Variants in PRRC2C observed in about 807,000 individuals in gnomAD.
PRRC2C encodes the protein protein PRRC2C.
Under a neutral mutation model 317.2 loss-of-function variants are expected in PRRC2C, and 72 were observed. The ratio of observed to expected loss-of-function variants is 0.23; its 90% CI spans 0.19 to 0.28. The LOEUF (loss-of-function observed/expected upper bound fraction) is 0.28, where lower values mean the gene tolerates loss of function less well. PRRC2C is among the 10% of genes least tolerant of loss of function. The probability of loss-of-function intolerance (pLI) is 1.00; values close to 1 mark genes in which losing one functional copy is unlikely to be tolerated. For missense variants in PRRC2C, 3,074 were observed against 3,459.7 expected (o/e 0.89, Z 2.80); for synonymous variants, 1,296 against 1,205.9 (o/e 1.07, Z -1.55).
chr1:171,518,502 T>TCAATTTTTTTTCAATTTTTTTTTAA (rs368649847), intron 6 of PRRC2C, among the ~76,000 whole-genome samples: 1 of 109,606 alleles, frequency 9.1e-6, no homozygotes. Context: ...CAATTTTTTT[T>TCAATTTTTTTTCAATTTTTTTTTAA]TTTTTTTTTT....
chr1:171,585,262 A>G (rs1649602167), intron 30 of PRRC2C, among the ~76,000 whole-genome samples: 1 of 152,236 alleles, frequency 6.6e-6, no homozygotes, highest in Non-Finnish European at 1.5e-5. Context: ...AAGCCTCCCA[A>G]AGACCATCTG....
At chr1:171,511,206 C>CAAAAAAA (rs548789018) in intron 1 of PRRC2C, 1 of 151,756 alleles carries the variant, frequency 6.6e-6, no homozygotes, top group African/African-American at 2.4e-5. Flanking sequence ...AAAACAAAAA[C>CAAAAAAA]AAAAACAACC....
At chr1:171,558,551 A>G (rs1231787468) in intron 19 of PRRC2C, among the ~76,000 whole-genome samples, 1 of 152,032 alleles carries the variant, frequency 6.6e-6, no homozygotes, top group African/African-American at 2.4e-5. Flanking sequence ...AATATGTCAA[A>G]TTTTTCATCA....
intron 6 of PRRC2C, among the ~76,000 whole-genome samples, chr1:171,519,727 ATATT>A (rs1175924988): frequency 6.6e-6 from 1 of 152,218 alleles, no homozygotes; most frequent in African/African-American, 2.4e-5. Context: ...AATCTAGGTC[ATATT>A]TATTTAGTTT....
chr1:171,574,865 A>C (rs147587333), intron 24 of PRRC2C, 62 bp from the exon 25 acceptor site: 1 of 1,429,940 alleles, frequency 7.0e-7, no homozygotes, highest in African/African-American at 1.4e-5. Context: ...ATACATGTAT[A>C]TACATACGTA....
intron 5 of PRRC2C, among the ~76,000 whole-genome samples, chr1:171,517,386 G>A (rs1386889024): frequency 6.6e-6 from 1 of 151,970 alleles, no homozygotes; most frequent in African/African-American, 2.4e-5. Flanking sequence ...ATTTGCTTGT[G>A]GTGACACCCT....
Position 171,541,667 on chromosome 1 carries a change from C to G in PRRC2C, c.4201C>G (p.Pro1401Ala), listed in dbSNP as rs866847645. The part of the protein sequence containing the change: ...EPPRRHEQFI[P>A]IAADKRPPKF... ...GCCAAGAAGACATGAGCAGTTTATT[C>G]CTATAGCAGCAGATAAACGACCTCC... is the stretch of plus-strand genomic sequence containing the variant. The change falls in exon 16 of 35, where the codon CCT becomes GCT. Residue 1401 changes from proline (P) to alanine (A), a missense_variant. Transcript: ENST00000647382. The surrounding 1 kb of genome is among the most constrained non-coding windows in gnomAD (Gnocchi z 4.1). 2.5e-6 allele frequency: 4 copies of G among 1,613,690 alleles called. No homozygotes were observed. The highest frequency in any genetic ancestry group is 3.3e-5 in the Admixed American group (2 of 59,978).
In PRRC2C at chr1:171,556,227, G is replaced by T. The variant is rs567189289; in HGVS notation, c.5128-1013G>T. ...AGGCTCTATGGGCGTGGGACCTGCC[G>T]AGCCAGGCGTGGGATATAATCTCCT... On this transcript the variant is annotated intron_variant, in intron 18 of 34. Transcript: ENST00000647382. Among the ~76,000 whole-genome samples the T allele has an allele frequency of 1.2e-3, 186 of 152,352 alleles. 1 individual carries two copies. Among genetic ancestry groups the T allele is most frequent in the Non-Finnish European group, 2.2e-3 (151 of 68,026 alleles).
intron 1 of PRRC2C, among the ~76,000 whole-genome samples, chr1:171,494,823 T>C (rs568781175): frequency 2.0e-5 from 3 of 152,148 alleles, no homozygotes; most frequent in African/African-American, 7.2e-5. Context: ...GTAAGAGTTA[T>C]TGTATCCCCT....
chr1:171,576,054 A>G (rs906493190), intron 25 of PRRC2C, among the ~76,000 whole-genome samples: 9 of 152,214 alleles, frequency 5.9e-5, no homozygotes, highest in African/African-American at 2.2e-4. Context: ...CCGAGATTCT[A>G]CGCTGCATTA....
Position 171,491,586 on chromosome 1 carries a change from A to G in PRRC2C, c.-58+5851A>G, listed in dbSNP as rs573288190. On this transcript the variant is annotated intron_variant, in intron 1 of 34. Transcript: ENST00000647382. ...TAAGGATACATTTAGAACAACATCAAAAACAATTGGGAAATTGGAGAAATG... is the reference window on the plus strand; with the variant it reads ...TAAGGATACATTTAGAACAACATCAGAAACAATTGGGAAATTGGAGAAATG... Among the ~76,000 whole-genome samples the G allele has an allele frequency of 3.3e-5, 5 of 152,230 alleles. No individual in the cohort carries two copies. The South Asian group carries it at 6.2e-4, about 19-fold the overall frequency.
chr1:171,586,394 G>C (rs1649995120), intron 30 of PRRC2C, among the ~76,000 whole-genome samples: 1 of 151,254 alleles, frequency 6.6e-6, no homozygotes, highest in Non-Finnish European at 1.5e-5. Context: ...CCTGGACTTG[G>C]TGTCAAATTC....
Position 171,516,166 on chromosome 1 carries a change from AGGCTTCCCTAAT to A in PRRC2C, c.526+309_526+320del, listed in dbSNP as rs566622853. Among the ~76,000 whole-genome samples, 134 of 152,330 alleles carry A rather than the reference AGGCTTCCCTAAT, an allele frequency of 8.8e-4. 1 individual carries two copies. Among genetic ancestry groups the A allele is most frequent in the African/African-American group, 3.0e-3 (125 of 41,588 alleles). ...GATTTTTTTATACTAGTTTTTGAGC[AGGCTTCCCTAAT>A]GTGTAACTATTTACTTACTACTGTA... On this transcript the variant is annotated intron_variant, in intron 5 of 34. Transcript: ENST00000647382.
Position 171,577,368 on chromosome 1 carries a change from C to T in PRRC2C, c.6956-66C>T, listed in dbSNP as rs142290316. On this transcript the variant is annotated intron_variant, in intron 25 of 34. Coordinates refer to ENST00000647382, the MANE Select transcript of PRRC2C (RefSeq NM_001387844.1). ...TTAATTTTGCAGTTTCTGGTTGGTA[C>T]TGTGAACAATAGCAACACTTTTAAA... The T allele has an allele frequency of 9.7e-4, 1,337 of 1,380,254 alleles. 13 individuals carry two copies. The African/African-American group carries it at 0.014, about 15-fold the overall frequency. 85.5% of individuals were successfully genotyped at this position (1,380,254 alleles called of 1,614,324 possible). A position where few individuals can be genotyped will look rare whatever the true frequency, so the allele number is the denominator to read the frequency against.
In PRRC2C at chr1:171,542,089, A is replaced by T. The variant is rs1324994250; in HGVS notation, c.4623A>T (p.Ala1541=). 1 of 1,614,008 alleles carries T rather than the reference A, an allele frequency of 6.2e-7. No individual in the cohort carries two copies. Among genetic ancestry groups the T allele is most frequent in the East Asian group, 2.2e-5 (1 of 44,880 alleles). ...TTCTACCTCCAAAGAGGGAAATTGC[A>T]AAGAGAAGTTTTTCTAGTCAGAGAC... ...ENVLPPKREI[A]KRSFSSQRPV... Residue 1541 remains alanine (A), a synonymous_variant, in exon 16 of 35, where the codon GCA becomes GCT. Coordinates refer to ENST00000647382, the MANE Select transcript of PRRC2C (RefSeq NM_001387844.1).
rs560645109 is a variant in PRRC2C, at chr1:171,519,813, T to C, written c.750+1999T>C. ...CCATTCCTTCATATTGTTGATTTTATTTAAAAATATGGAATGCTTCATGAA... is the reference window on the plus strand; with the variant it reads ...CCATTCCTTCATATTGTTGATTTTACTTAAAAATATGGAATGCTTCATGAA... On this transcript the variant is annotated intron_variant, in intron 6 of 34. Coordinates refer to ENST00000647382, the MANE Select transcript of PRRC2C (RefSeq NM_001387844.1). Among the ~76,000 whole-genome samples, 10 of 152,336 alleles carry C rather than the reference T, an allele frequency of 6.6e-5. No individual in the cohort carries two copies. The South Asian group carries it at 2.1e-3, about 32-fold the overall frequency.
chr1:171,588,440 C>G lies in PRRC2C; in HGVS notation c.8134C>G (p.Gln2712Glu), dbSNP rs781249428. Reference sequence around the variant, plus strand: ...AATGAACAGCATTGTCTACCAGAAGCAGTTCCAGTCAGCCCCTGCCACTGT... The same window carrying G: ...AATGAACAGCATTGTCTACCAGAAGGAGTTCCAGTCAGCCCCTGCCACTGT... ...SKMNSIVYQK[Q>E]FQSAPATVRM... The change falls in exon 33 of 35, where the codon CAG becomes GAG. Residue 2712 changes from glutamine (Q) to glutamate (E), a missense_variant. Gln to Glu is a conservative substitution (Grantham distance 29, BLOSUM62 2). Coordinates refer to ENST00000647382, the MANE Select transcript of PRRC2C (RefSeq NM_001387844.1). The G allele has an allele frequency of 1.2e-6, 2 of 1,613,684 alleles. No individual in the cohort carries two copies. The highest frequency in any genetic ancestry group is 2.2e-5 in the South Asian group (2 of 91,014).
At chr1:171,577,192 TTTTG>T (rs1300961307) in intron 25 of PRRC2C, among the ~76,000 whole-genome samples, 2 of 152,214 alleles carry the variant, frequency 1.3e-5, no homozygotes, top group African/African-American at 4.8e-5. Flanking sequence ...TAATTTTGTG[TTTTG>T]TTTCTTTCTT....
intron 1 of PRRC2C, among the ~76,000 whole-genome samples, chr1:171,486,714 T>C (rs975423199): frequency 2.0e-5 from 3 of 152,192 alleles, no homozygotes; most frequent in Non-Finnish European, 2.9e-5. Context: ...GCGGCTCTGC[T>C]GTAAGATTTT....
Sources: gnomAD v4.1 joint callset for allele counts (sites outside exome capture counted in the v4.1 genomes callset) on GRCh38, gnomAD v4.1.1 for gene constraint, Gnocchi (gnomAD v3.1) non-coding constraint, MANE v1.5 for transcripts, NCBI Gene and HGNC (gene_info 2026-07-23, HGNC 2026-07-21) for gene names.